The following RHBDD1 variants were observed in gnomAD, a reference collection of about 807,000 sequenced individuals.
The protein encoded by RHBDD1 is rhomboid domain containing 1.
A neutral mutation model predicts 36.3 loss-of-function variants in RHBDD1; 38 were observed. The observed-to-expected ratio is 1.05, with a 90% CI of 0.81 to 1.37. The LOEUF is 1.37. RHBDD1 is among the 40% of genes most tolerant of loss of function. The probability of loss-of-function intolerance (pLI) is 0.00; values close to 1 mark genes in which losing one functional copy is unlikely to be tolerated. For synonymous variants in RHBDD1, 151 were observed against 136.5 expected, an observed-to-expected ratio of 1.11 and a Z score of -0.74; for missense variants, 393 against 377.6, an observed-to-expected ratio of 1.04 and a Z score of -0.34.
At chr2:226,965,542 C>CAG (rs1952556688) in intron 8 of RHBDD1, among the ~76,000 whole-genome samples, 1 of 152,166 alleles carries the variant, frequency 6.6e-6, no homozygotes, top group African/African-American at 2.4e-5. Flanking sequence ...AAGAGGTCAG[C>CAG]TTCTGGACAC....
At chr2:226,995,338 C>A (rs1959153697) in intron 8 of RHBDD1, 93 bp from the exon 9 acceptor site, 7 of 758,278 alleles carry the variant, frequency 9.2e-6, no homozygotes, top group Non-Finnish European at 1.4e-5. Flanking sequence ...GAAGATGACA[C>A]CCAAGCTATC....
At chr2:226,834,957 G>C (rs1031573851), upstream of RHBDD1, among the ~76,000 whole-genome samples, 1 of 152,130 alleles carries the variant, frequency 6.6e-6, no homozygotes, top group Non-Finnish European at 1.5e-5. Context: ...TGTATTTTTA[G>C]TAGAGACAGG....
At chr2:226,892,121 A>C (rs1370443065) in intron 5 of RHBDD1, among the ~76,000 whole-genome samples, 1 of 152,228 alleles carries the variant, frequency 6.6e-6, no homozygotes, top group African/African-American at 2.4e-5. Flanking sequence ...GTATTGCATA[A>C]GCAGATTCAG....
At chr2:226,971,613 A>AT (rs1318869359) in intron 8 of RHBDD1, among the ~76,000 whole-genome samples, 1 of 152,114 alleles carries the variant, frequency 6.6e-6, no homozygotes, top group African/African-American at 2.4e-5. Context: ...GCTATAGTTT[A>AT]TTTTTTTGCC....
chr2:226,864,459 A>G (rs1021795116), intron 3 of RHBDD1, 145 bp from the exon 4 acceptor site: 10 of 510,522 alleles, frequency 2.0e-5, no homozygotes, highest in Non-Finnish European at 3.4e-5. Context: ...CATCCTCGAT[A>G]TTACTCTTGA....
chr2:226,945,175 T>TATC, intron 8 of RHBDD1, among the ~76,000 whole-genome samples: 1 of 149,990 alleles, frequency 6.7e-6, no homozygotes, highest in African/African-American at 2.4e-5. Context: ...TTATTATTAT[T>TATC]ATACTTTAAG....
At chr2:226,978,744 C>G (rs1301021066) in intron 8 of RHBDD1, among the ~76,000 whole-genome samples, 2 of 152,172 alleles carry the variant, frequency 1.3e-5, no homozygotes, top group South Asian at 2.1e-4. Context: ...GGAGGGGATC[C>G]TGTGAGAGCT....
intron 5 of RHBDD1, 112 bp from the exon 6 acceptor site, chr2:226,906,681 G>A (rs781661499): frequency 1.9e-6 from 3 of 1,577,904 alleles, no homozygotes; most frequent in Non-Finnish European, 2.6e-6. Context: ...ACTTGATGTG[G>A]AACAAAGCCT....
chr2:226,945,764 ACTC>A (rs1201691193), intron 8 of RHBDD1, among the ~76,000 whole-genome samples: 1 of 151,982 alleles, frequency 6.6e-6, no homozygotes, highest in Non-Finnish European at 1.5e-5. Context: ...ACTAATTTAC[ACTC>A]CCACCAACAG....
At chr2:226,993,195 C>T (rs749383342) in intron 8 of RHBDD1, among the ~76,000 whole-genome samples, 44 of 152,308 alleles carry the variant, frequency 2.9e-4, no homozygotes, top group Non-Finnish European at 1.8e-4. Context: ...TATTAATCTG[C>T]GGGCTTTTTC....
chr2:226,842,012 C>T (rs548318170), intron 3 of RHBDD1, among the ~76,000 whole-genome samples: 11 of 152,258 alleles, frequency 7.2e-5, no homozygotes, highest in African/African-American at 2.6e-4. Flanking sequence ...GATAGTATCT[C>T]ATTGTGGTTT....
At chr2:226,819,062 G>A in the RHBDD1 span, among the ~76,000 whole-genome samples, 1 of 152,050 alleles carries the variant, frequency 6.6e-6, no homozygotes. Flanking sequence ...TCTTCCACCC[G>A]GCCCACTTGA....
At chr2:226,973,652 G>T (rs1168854992) in intron 8 of RHBDD1, among the ~76,000 whole-genome samples, 3 of 152,236 alleles carry the variant, frequency 2.0e-5, no homozygotes, top group East Asian at 3.8e-4. Context: ...ACAAAGGTAA[G>T]TTAGATCAAG....
At chr2:226,952,516 T>C (rs2149225254) in intron 8 of RHBDD1, among the ~76,000 whole-genome samples, 1 of 152,278 alleles carries the variant, frequency 6.6e-6, no homozygotes, top group South Asian at 2.1e-4. Flanking sequence ...CAAGCTGGTC[T>C]CAAACTCCTG....
the RHBDD1 span, among the ~76,000 whole-genome samples, chr2:226,802,751 A>G: frequency 6.1e-3 from 928 of 152,358 alleles, 11 homozygotes; most frequent in African/African-American, 0.021. Context: ...GTTCATTTTA[A>G]AAGAGGGCTA....
At chr2:226,911,148 C>T (rs1948487073) in intron 7 of RHBDD1, among the ~76,000 whole-genome samples, 1 of 152,110 alleles carries the variant, frequency 6.6e-6, no homozygotes, top group Non-Finnish European at 1.5e-5. Flanking sequence ...GCAATTAAAA[C>T]TCTAGGTAGA....
intron 8 of RHBDD1, among the ~76,000 whole-genome samples, chr2:226,931,198 A>G (rs1305683795): frequency 6.6e-6 from 1 of 152,108 alleles, no homozygotes; most frequent in African/African-American, 2.4e-5. Context: ...CTGCATGCAT[A>G]TGTTTATTGC....
chr2:226,805,929 G>A, the RHBDD1 span, among the ~76,000 whole-genome samples: 1 of 152,102 alleles, frequency 6.6e-6, no homozygotes, highest in Non-Finnish European at 1.5e-5. Context: ...CTTTTTCTCA[G>A]TAATGATGGA....
the RHBDD1 span, among the ~76,000 whole-genome samples, chr2:226,803,272 T>C: frequency 6.6e-6 from 1 of 151,776 alleles, no homozygotes; most frequent in Non-Finnish European, 1.5e-5. Flanking sequence ...GATGGGGTAA[T>C]AAGAGAGTAC....
Sources: allele counts gnomAD v4.1 joint callset (sites outside exome capture counted in the v4.1 genomes callset), GRCh38; gene constraint gnomAD v4.1.1; transcripts MANE v1.5; gene names NCBI Gene and HGNC (gene_info 2026-07-23, HGNC 2026-07-21).